The following UMAD1 variants were observed in gnomAD, a reference collection of about 807,000 sequenced individuals.
UMAD1 encodes the protein UBAP1-MVB12-associated (UMA)-domain containing protein 1.
Under a neutral mutation model 6.1 loss-of-function variants are expected in UMAD1, and 8 were observed. The observed-to-expected ratio is 1.30, with a 90% CI of 0.76 to 2.35. The LOEUF is 2.35. UMAD1 is among the 30% of genes most tolerant of loss of function. The probability of loss-of-function intolerance (pLI) is 0.00; values close to 1 mark genes in which losing one functional copy is unlikely to be tolerated. For synonymous variants in UMAD1, 56 were observed against 31.4 expected, an observed-to-expected ratio of 1.78 and a Z score of -2.61; for missense variants, 130 against 78.4, an observed-to-expected ratio of 1.66 and a Z score of -2.49.
At chr7:7,705,437 A>G (rs1780573971) in intron 2 of UMAD1, among the ~76,000 whole-genome samples, 1 of 152,342 alleles carries the variant, frequency 6.6e-6, no homozygotes, top group South Asian at 2.1e-4. Flanking sequence ...GGTTTAAGTT[A>G]ATGTAATTGG....
At chr7:7,793,764 C>G (rs983257693) in intron 2 of UMAD1, among the ~76,000 whole-genome samples, 1 of 152,034 alleles carries the variant, frequency 6.6e-6, no homozygotes, top group African/African-American at 2.4e-5. Flanking sequence ...TGTCCAAAAG[C>G]AAATAAATTT....
At chr7:7,721,997 T>G (rs1432505263) in intron 2 of UMAD1, among the ~76,000 whole-genome samples, 2 of 152,044 alleles carry the variant, frequency 1.3e-5, no homozygotes, top group Admixed American at 1.3e-4. Context: ...AGCCTACATC[T>G]TTTCCCATGC....
intron 2 of UMAD1, among the ~76,000 whole-genome samples, chr7:7,703,505 A>G (rs1010711280): frequency 1.3e-5 from 2 of 152,234 alleles, no homozygotes; most frequent in African/African-American, 4.8e-5. Context: ...ACATAATTTT[A>G]TAAACATCTT....
chr7:7,864,749 C>T (rs772862305), intron 3 of UMAD1, among the ~76,000 whole-genome samples: 18 of 151,828 alleles, frequency 1.2e-4, no homozygotes, highest in Non-Finnish European at 2.1e-4. Context: ...TGAGATGGCT[C>T]TTGGTGGTTT....
intron 2 of UMAD1, among the ~76,000 whole-genome samples, chr7:7,741,441 T>G (rs6979614): frequency 0.09 from 13,569 of 151,458 alleles, 694 homozygotes; most frequent in African/African-American, 0.14. Flanking sequence ...CGTGGTGGCG[T>G]GCGCCTGTAG....
At chr7:7,815,729 A>G (rs1023090314) in intron 3 of UMAD1, among the ~76,000 whole-genome samples, 1 of 152,138 alleles carries the variant, frequency 6.6e-6, no homozygotes, top group Admixed American at 6.5e-5. Flanking sequence ...ACATATGGCC[A>G]CCCCTAGTGG....
intron 1 of UMAD1, among the ~76,000 whole-genome samples, chr7:7,642,629 C>G (rs1324726183): frequency 6.6e-6 from 1 of 152,082 alleles, no homozygotes; most frequent in Non-Finnish European, 1.5e-5. Flanking sequence ...TTTTGAGTCA[C>G]TTAAAATATT....
intron 3 of UMAD1, among the ~76,000 whole-genome samples, chr7:7,836,110 G>A (rs919455168): frequency 2.6e-5 from 4 of 151,852 alleles, no homozygotes; most frequent in Non-Finnish European, 5.9e-5. Context: ...TACTTAATAG[G>A]TTTTCTTAGC....
At chr7:7,648,254 G>A (rs1563081624) in intron 1 of UMAD1, among the ~76,000 whole-genome samples, 1 of 152,232 alleles carries the variant, frequency 6.6e-6, no homozygotes, top group African/African-American at 2.4e-5. Context: ...GCGTTTGACA[G>A]ATCATGAGTG....
chr7:7,810,499 T>G (rs1027596621), intron 3 of UMAD1, among the ~76,000 whole-genome samples: 1 of 152,180 alleles, frequency 6.6e-6, no homozygotes, highest in Non-Finnish European at 1.5e-5. Flanking sequence ...TAGTACTTAA[T>G]TTTATAATTT....
chr7:7,877,246 C>G (rs1194118934), intron 3 of UMAD1, 35 bp from the exon 4 acceptor site: 2 of 693,518 alleles, frequency 2.9e-6, no homozygotes, highest in Non-Finnish European at 5.4e-6. Flanking sequence ...TCAAAGTTCA[C>G]AAGGCCTAAA....
At chr7:7,760,778 G>A (rs1385048743) in intron 2 of UMAD1, among the ~76,000 whole-genome samples, 1 of 152,104 alleles carries the variant, frequency 6.6e-6, no homozygotes, top group African/African-American at 2.4e-5. Flanking sequence ...TAAAAGAGAA[G>A]GTTAAGGACA....
At chr7:7,694,810 C>T (rs1780268582) in intron 2 of UMAD1, among the ~76,000 whole-genome samples, 1 of 152,104 alleles carries the variant, frequency 6.6e-6, no homozygotes, top group Admixed American at 6.6e-5. Flanking sequence ...AGGTTGATTC[C>T]AAATCTTAGC....
intron 3 of UMAD1, among the ~76,000 whole-genome samples, chr7:7,841,420 A>C (rs1783679769): frequency 6.6e-6 from 1 of 150,502 alleles, no homozygotes; most frequent in Non-Finnish European, 1.5e-5. Context: ...CTCCCACCTC[A>C]GCCTCCCAAG....
intron 3 of UMAD1, among the ~76,000 whole-genome samples, chr7:7,863,727 CA>C (rs2115334573): frequency 6.6e-6 from 1 of 152,264 alleles, no homozygotes; most frequent in South Asian, 2.1e-4. Flanking sequence ...AACAGAGAAA[CA>C]AGATACATAA....
chr7:7,707,450 A>ACATGT (rs1563141317), intron 2 of UMAD1, among the ~76,000 whole-genome samples: 1 of 152,182 alleles, frequency 6.6e-6, no homozygotes, highest in Non-Finnish European at 1.5e-5. Flanking sequence ...AATCATTTAA[A>ACATGT]CATGTTGAAC....
intron 2 of UMAD1, among the ~76,000 whole-genome samples, chr7:7,753,081 C>T (rs1781708592): frequency 1.3e-5 from 2 of 152,114 alleles, no homozygotes; most frequent in Non-Finnish European, 2.9e-5. Context: ...AAAGAAAATA[C>T]TTGACCTTCT....
At chr7:7,857,693 C>T (rs566427651) in intron 3 of UMAD1, among the ~76,000 whole-genome samples, 66 of 152,314 alleles carry the variant, frequency 4.3e-4, no homozygotes, top group South Asian at 1.4e-3. Flanking sequence ...ATAGTCCAAA[C>T]AGCCTGTAAT....
intron 3 of UMAD1, among the ~76,000 whole-genome samples, chr7:7,839,958 G>A (rs978075771): frequency 2.0e-5 from 3 of 152,190 alleles, no homozygotes; most frequent in African/African-American, 4.8e-5. Context: ...CTTAACTGAG[G>A]TTGAGGTTTT....
Sources: allele counts gnomAD v4.1 joint callset (sites outside exome capture counted in the v4.1 genomes callset), GRCh38; gene constraint gnomAD v4.1.1; transcripts MANE v1.5; gene names NCBI Gene and HGNC (gene_info 2026-07-23, HGNC 2026-07-21).